CNTNAP2: variants seen among roughly 807,000 people sequenced by gnomAD.
CNTNAP2 encodes the protein contactin-associated protein-like 2.
A neutral mutation model predicts 155.2 loss-of-function variants in CNTNAP2; 98 were observed. The ratio of observed to expected loss-of-function variants is 0.63; its 90% CI spans 0.54 to 0.75. CNTNAP2 has a LOEUF of 0.75. Ranked by LOEUF, CNTNAP2 falls within the 30% of genes least tolerant of loss-of-function variation. CNTNAP2 has a pLI of 0.00. For synonymous variants in CNTNAP2, 651 were observed against 631.2 expected (o/e 1.03, Z -0.47); for missense variants, 1,727 against 1,688.1 (o/e 1.02, Z -0.40).
At chr7:148,072,790 C>A (rs1803406369) in intron 15 of CNTNAP2, among the ~76,000 whole-genome samples, 5 of 152,318 alleles carry the variant, frequency 3.3e-5, no homozygotes, top group South Asian at 4.1e-4. Context: ...TCGCTGCAAC[C>A]TCCACCTCCC....
chr7:147,056,794 A>G lies in CNTNAP2; in HGVS notation c.550+12740A>G, dbSNP rs189940886. ...GTTCATTTGTTTGTTTGTTTTGGAG[A>G]CATTCTCACTCTGTCACCGAGTCTG... On this transcript the variant is annotated intron_variant, in intron 4 of 23. Transcript: ENST00000361727. 1.2e-3 allele frequency among the ~76,000 whole-genome samples: 187 copies of G among 152,020 alleles called. 3 individuals are homozygous for G. Among genetic ancestry groups the G allele is most frequent in the African/African-American group, 4.0e-3 (165 of 41,464 alleles).
rs60221349 is a variant in CNTNAP2, at chr7:147,784,381, C to CATATATATATATATATATATATATAT, written c.2099-119183_2099-119158dup. 1.6e-3 allele frequency among the ~76,000 whole-genome samples: 156 copies of CATATATATATATATATATATATATAT among 99,238 alleles called. 4 individuals carry two copies. The highest frequency in any genetic ancestry group is 2.1e-3 in the Non-Finnish European group (96 of 44,812). 65.1% of individuals were successfully genotyped at this position (99,238 alleles called of 152,430 possible). A position where few individuals can be genotyped will look rare whatever the true frequency, so the allele number is the denominator to read the frequency against. The stretch of plus-strand genomic sequence containing the variant: ...TTCATAGCCCTCTACAAACTAAAAA[C>CATATATATATATATATATATATATAT]ATATATATATATATATATATATATA... On this transcript the variant is annotated intron_variant, in intron 13 of 23. Coordinates refer to ENST00000361727, the MANE Select transcript of CNTNAP2 (RefSeq NM_014141.6).
intron 9 of CNTNAP2, among the ~76,000 whole-genome samples, chr7:147,368,268 C>A (rs2116909677): frequency 6.6e-6 from 1 of 151,924 alleles, no homozygotes; most frequent in Admixed American, 6.6e-5. Flanking sequence ...GGTTCAGGGT[C>A]ATTCTGGACA....
At position 147,261,881 on chromosome 7, in the gene CNTNAP2, A is replaced by C. The variant is rs150439138; in HGVS notation, c.1349-38260A>C. On this transcript the variant is annotated intron_variant, in intron 8 of 23. Transcript: ENST00000361727. Reference sequence around the variant, plus strand: ...ATAGGCAAGCATCTGTTCAAGTAAAACTGGTTATTTGCTGACAAAGCAGAA... The same window carrying C: ...ATAGGCAAGCATCTGTTCAAGTAAACCTGGTTATTTGCTGACAAAGCAGAA... Among the ~76,000 whole-genome samples, 197 of 152,336 alleles carry C rather than the reference A, an allele frequency of 1.3e-3. 3 individuals carry two copies. Among genetic ancestry groups the C allele is most frequent in the African/African-American group, 4.4e-3 (184 of 41,570 alleles).
intron 13 of CNTNAP2, among the ~76,000 whole-genome samples, chr7:147,699,048 C>T (rs1201474183): frequency 2.6e-5 from 4 of 151,916 alleles, no homozygotes; most frequent in African/African-American, 9.7e-5. Context: ...ATAAATTTGA[C>T]TACATGTAAA....
intron 9 of CNTNAP2, among the ~76,000 whole-genome samples, chr7:147,373,792 C>T (rs990076182): frequency 6.6e-6 from 1 of 151,334 alleles, no homozygotes; most frequent in Non-Finnish European, 1.5e-5. Context: ...TTGTTTTTTG[C>T]TTGTTGGTTT....
intron 3 of CNTNAP2, among the ~76,000 whole-genome samples, chr7:146,939,174 A>AT (rs1318503919): frequency 3.9e-5 from 6 of 152,056 alleles, no homozygotes; most frequent in Non-Finnish European, 2.9e-5. Flanking sequence ...GAAAAAATGC[A>AT]TTTTTTCTTC....
intron 15 of CNTNAP2, among the ~76,000 whole-genome samples, chr7:148,009,900 C>T (rs1484709000): frequency 2.6e-5 from 4 of 151,896 alleles, no homozygotes; most frequent in Non-Finnish European, 4.4e-5. Context: ...AAATATGACT[C>T]CTCTGAGAAT....
intron 9 of CNTNAP2, among the ~76,000 whole-genome samples, chr7:147,300,567 A>G (rs1284425147): frequency 6.6e-6 from 1 of 152,250 alleles, no homozygotes; most frequent in Non-Finnish European, 1.5e-5. Flanking sequence ...ATAATCCTCA[A>G]AAGTCAGGTC....
chr7:147,711,602 C>A (rs1044112362), intron 13 of CNTNAP2, among the ~76,000 whole-genome samples: 1 of 152,162 alleles, frequency 6.6e-6, no homozygotes, highest in Admixed American at 6.5e-5. Context: ...CCCCACAGAC[C>A]TAAAAGAAAA....
At chr7:146,309,218 C>T (rs890890863) in intron 1 of CNTNAP2, among the ~76,000 whole-genome samples, 4 of 151,994 alleles carry the variant, frequency 2.6e-5, no homozygotes, top group East Asian at 1.9e-4. Context: ...AACTTCGGAG[C>T]GAGTCATTTT....
intron 2 of CNTNAP2, among the ~76,000 whole-genome samples, chr7:146,815,920 C>A (rs1043158147): frequency 6.6e-6 from 1 of 152,156 alleles, no homozygotes; most frequent in African/African-American, 2.4e-5. Context: ...TCCCCCAACC[C>A]CACAACGGGC....
At chr7:146,329,426 C>T (rs755832077) in intron 1 of CNTNAP2, among the ~76,000 whole-genome samples, 5 of 152,096 alleles carry the variant, frequency 3.3e-5, no homozygotes, top group Non-Finnish European at 7.4e-5. Flanking sequence ...GCTAGCTGCC[C>T]ATTTGTATCT....
chr7:146,519,822 C>T (rs1797592278), intron 1 of CNTNAP2, among the ~76,000 whole-genome samples: 1 of 151,720 alleles, frequency 6.6e-6, no homozygotes, highest in Non-Finnish European at 1.5e-5. Context: ...TCTGTAAATT[C>T]AGTAATCATG....
chr7:146,147,854 C>A (rs1797978526), intron 1 of CNTNAP2, among the ~76,000 whole-genome samples: 1 of 152,048 alleles, frequency 6.6e-6, no homozygotes, highest in African/African-American at 2.4e-5. Flanking sequence ...GTGATTTCTG[C>A]TAATTTATTG....
intron 3 of CNTNAP2, among the ~76,000 whole-genome samples, chr7:146,869,297 A>G (rs1480998731): frequency 6.6e-6 from 1 of 152,018 alleles, no homozygotes; most frequent in African/African-American, 2.4e-5. Flanking sequence ...TTTTGTCTTT[A>G]ATTTTGTTTA....
intron 13 of CNTNAP2, among the ~76,000 whole-genome samples, chr7:147,770,772 C>A (rs975941733): frequency 2.9e-4 from 44 of 152,128 alleles, no homozygotes; most frequent in African/African-American, 9.9e-4. Context: ...AATGATGTTA[C>A]TCTTCCAAAA....
At chr7:146,549,338 A>C (rs896559381) in intron 1 of CNTNAP2, among the ~76,000 whole-genome samples, 1 of 152,070 alleles carries the variant, frequency 6.6e-6, no homozygotes, top group Admixed American at 6.6e-5. Flanking sequence ...CTGCCAGAGC[A>C]AAATGTATCT....
At chr7:146,268,572 A>C (rs1239102422) in intron 1 of CNTNAP2, among the ~76,000 whole-genome samples, 1 of 152,196 alleles carries the variant, frequency 6.6e-6, no homozygotes, top group African/African-American at 2.4e-5. Context: ...TCTTTTGTTT[A>C]CTTCTATCTG....
Sources: gnomAD v4.1 joint callset for allele counts (sites outside exome capture counted in the v4.1 genomes callset) on GRCh38, gnomAD v4.1.1 for gene constraint, MANE v1.5 for transcripts, NCBI Gene and HGNC (gene_info 2026-07-23, HGNC 2026-07-21) for gene names.